Variants in PTPRD observed in about 807,000 individuals in gnomAD.
PTPRD encodes protein tyrosine phosphatase receptor type D, also known as receptor-type tyrosine-protein phosphatase delta.
A neutral mutation model predicts 214.5 loss-of-function variants in PTPRD; 34 were observed. The ratio of observed to expected loss-of-function variants is 0.16; its 90% CI spans 0.12 to 0.21. PTPRD has a LOEUF of 0.21. Ranked by LOEUF, PTPRD falls within the 10% of genes least tolerant of loss-of-function variation. The probability of loss-of-function intolerance (pLI) is 1.00; values close to 1 mark genes in which losing one functional copy is unlikely to be tolerated. For missense variants in PTPRD, 2,545 were observed against 2,398.7 expected (o/e 1.06, Z -1.27); for synonymous variants, 1,128 against 845.7 (o/e 1.33, Z -5.79).
At chr9:9,568,923 C>T (rs373797234) in intron 8 of PTPRD, among the ~76,000 whole-genome samples, 18 of 151,752 alleles carry the variant, frequency 1.2e-4, no homozygotes, top group African/African-American at 4.3e-4. Flanking sequence ...ATGCTTAGTA[C>T]ATACAGATGC....
rs115430347 is a variant in PTPRD, at chr9:10,135,263, T to C, written c.-544-101473A>G. On this transcript the variant is annotated intron_variant, in intron 3 of 45. Transcript: ENST00000381196. Reference sequence around the variant, plus strand: ...CAAACCTAAGACAAACTGGCATTCTTGAGAGAGTAGTAGAGAGATTAAGCA... The same window carrying C: ...CAAACCTAAGACAAACTGGCATTCTCGAGAGAGTAGTAGAGAGATTAAGCA... Among the ~76,000 whole-genome samples the C allele has an allele frequency of 4.3e-3, 656 of 152,182 alleles. 7 individuals carry two copies. Among genetic ancestry groups the C allele is most frequent in the African/African-American group, 0.015 (630 of 41,534 alleles).
At chr9:9,188,943 C>T (rs1411208407) in intron 9 of PTPRD, among the ~76,000 whole-genome samples, 1 of 151,700 alleles carries the variant, frequency 6.6e-6, no homozygotes, top group Admixed American at 6.6e-5. Context: ...ATCAGAAATT[C>T]CTAGGGTGGT....
chr9:9,871,615 G>A (rs140575909), intron 5 of PTPRD, among the ~76,000 whole-genome samples: 4 of 149,324 alleles, frequency 2.7e-5, no homozygotes, highest in East Asian at 2.0e-4. Flanking sequence ...AGAAGTGCAG[G>A]GGCAGAGGGT....
intron 9 of PTPRD, among the ~76,000 whole-genome samples, chr9:9,359,405 T>A (rs1434331363): frequency 6.6e-6 from 1 of 151,262 alleles, no homozygotes; most frequent in African/African-American, 2.4e-5. Context: ...TATAAAAATG[T>A]CCCCTGATAA....
chr9:8,645,185 G>A (rs919347876), intron 12 of PTPRD, among the ~76,000 whole-genome samples: 7 of 152,186 alleles, frequency 4.6e-5, no homozygotes, highest in Non-Finnish European at 5.9e-5. Context: ...CACTAGCTAA[G>A]TGAGAAACTT....
intron 31 of PTPRD, among the ~76,000 whole-genome samples, chr9:8,468,426 C>A (rs886341768): frequency 6.6e-6 from 1 of 151,916 alleles, no homozygotes; most frequent in African/African-American, 2.4e-5. Context: ...AGTCATTCTG[C>A]CCCAAATTCA....
chr9:8,467,851 TGATATGTA>T (rs2134643454), intron 31 of PTPRD, among the ~76,000 whole-genome samples: 1 of 152,082 alleles, frequency 6.6e-6, no homozygotes, highest in South Asian at 2.1e-4. Flanking sequence ...AGCTTATTGT[TGATATGTA>T]GTTAAGGACA....
intron 5 of PTPRD, among the ~76,000 whole-genome samples, chr9:9,899,008 A>T (rs1186004067): frequency 1.3e-5 from 2 of 152,112 alleles, no homozygotes; most frequent in African/African-American, 4.8e-5. Flanking sequence ...CTACCAAACA[A>T]AAATTTTCTG....
At chr9:9,947,307 A>C (rs1414115108) in intron 4 of PTPRD, among the ~76,000 whole-genome samples, 1 of 85,192 alleles carries the variant, frequency 1.2e-5, no homozygotes, top group African/African-American at 5.1e-5. Flanking sequence ...TATATATTTT[A>C]TATATATATT....
Position 9,068,925 on chromosome 9 carries a change from A to G in PTPRD, c.-142-50190T>C, listed in dbSNP as rs552001112. ...GCTCTCGGCCTACAAAAATTTCTTT[A>G]TGGGAAAATATTTGGACATCTGAAA... On this transcript the variant is annotated intron_variant, in intron 10 of 45. Transcript: ENST00000381196. Among the ~76,000 whole-genome samples, 165 of 152,262 alleles carry G rather than the reference A, an allele frequency of 1.1e-3. 1 individual carries two copies. Among genetic ancestry groups the G allele is most frequent in the Non-Finnish European group, 2.0e-3 (136 of 68,000 alleles).
At chr9:9,647,085 T>C (rs2096209519) in intron 7 of PTPRD, among the ~76,000 whole-genome samples, 1 of 152,216 alleles carries the variant, frequency 6.6e-6, no homozygotes, top group Non-Finnish European at 1.5e-5. Flanking sequence ...TCTTCAGGTC[T>C]GAATAAATTT....
intron 2 of PTPRD, among the ~76,000 whole-genome samples, chr9:10,420,435 G>A (rs1180150906): frequency 6.6e-6 from 1 of 151,838 alleles, no homozygotes; most frequent in Non-Finnish European, 1.5e-5. Flanking sequence ...CTAAATTAGG[G>A]GAGACATAGA....
chr9:9,374,808 C>T (rs370558593), intron 9 of PTPRD, among the ~76,000 whole-genome samples: 4 of 152,140 alleles, frequency 2.6e-5, no homozygotes, highest in South Asian at 2.1e-4. Context: ...TGAAACATCA[C>T]CATTTTCATC....
At chr9:8,766,704 T>A (rs930405927) in intron 11 of PTPRD, among the ~76,000 whole-genome samples, 3 of 152,222 alleles carry the variant, frequency 2.0e-5, no homozygotes, top group Non-Finnish European at 4.4e-5. Context: ...AGGAGCATCA[T>A]CACTCATGGA....
intron 5 of PTPRD, among the ~76,000 whole-genome samples, chr9:9,829,351 G>C (rs758706932): frequency 5.3e-5 from 8 of 151,672 alleles, no homozygotes; most frequent in African/African-American, 4.8e-5. Flanking sequence ...AATAAAACAA[G>C]TCCATATTTA....
chr9:9,610,346 A>G (rs935900969), intron 7 of PTPRD, among the ~76,000 whole-genome samples: 1 of 152,238 alleles, frequency 6.6e-6, no homozygotes, highest in Admixed American at 6.5e-5. Flanking sequence ...AGTTGTAGGT[A>G]AATTAGTATT....
Position 8,905,119 on chromosome 9 carries a change from T to G in PTPRD, c.-104+113578A>C, listed in dbSNP as rs77846430. 5.1e-3 allele frequency among the ~76,000 whole-genome samples: 781 copies of G among 152,332 alleles called. 6 individuals carry two copies. The highest frequency in any genetic ancestry group is 0.017 in the African/African-American group (702 of 41,562). ...TTTAAGGTCATTCTCACCAGTCATC[T>G]CTGATTGGGTGGCTAAAAGTCAAGA... On this transcript the variant is annotated intron_variant, in intron 11 of 45. Coordinates refer to ENST00000381196, the MANE Select transcript of PTPRD (RefSeq NM_002839.4).
chr9:8,695,798 C>G (rs1169622203), intron 12 of PTPRD, among the ~76,000 whole-genome samples: 1 of 152,164 alleles, frequency 6.6e-6, no homozygotes, highest in African/African-American at 2.4e-5. Context: ...AAGCCTTCAA[C>G]TGAAGTTTGC....
chr9:10,089,232 A>AATAAATAT (rs1299438206), intron 3 of PTPRD, among the ~76,000 whole-genome samples: 4 of 150,908 alleles, frequency 2.7e-5, no homozygotes, highest in Admixed American at 1.3e-4. Context: ...TAAATAAATA[A>AATAAATAT]ATAAATAGAA....
Sources: allele counts gnomAD v4.1 joint callset (sites outside exome capture counted in the v4.1 genomes callset), GRCh38; gene constraint gnomAD v4.1.1; transcripts MANE v1.5; gene names NCBI Gene and HGNC (gene_info 2026-07-23, HGNC 2026-07-21).